Variants in PCDHGB6 observed in about 807,000 individuals in gnomAD.
The protein encoded by PCDHGB6 is protocadherin gamma-B6.
A neutral mutation model predicts 59.1 loss-of-function variants in PCDHGB6; 51 were observed. The ratio of observed to expected loss-of-function variants is 0.86; its 90% CI spans 0.69 to 1.09. The LOEUF (loss-of-function observed/expected upper bound fraction) is 1.09. Among genes scored for constraint, PCDHGB6 ranks in the 50% least tolerant of loss-of-function variants. PCDHGB6 has a pLI of 0.00. For missense variants in PCDHGB6, 1,148 were observed against 1,205.1 expected (o/e 0.95, Z 0.70); for synonymous variants, 466 against 495.1 (o/e 0.94, Z 0.78).
At chr5:141,435,103 G>A (rs1468698388) in intron 1 of PCDHGB6, among the ~76,000 whole-genome samples, 2 of 151,914 alleles carry the variant, frequency 1.3e-5, no homozygotes, top group African/African-American at 2.4e-5. Flanking sequence ...TTTATCTAGG[G>A]GGGAGAAATC....
chr5:141,500,036 T>C (rs1001193977), intron 2 of PCDHGB6, among the ~76,000 whole-genome samples: 8 of 152,176 alleles, frequency 5.3e-5, no homozygotes, highest in African/African-American at 1.9e-4. Flanking sequence ...TGAGTGTCTC[T>C]TAAGTATCTT....
Position 141,490,027 on chromosome 5 carries a change from CG to C in PCDHGB6, c.2419-4779del. The C allele has an allele frequency of 6.2e-7, 1 of 1,614,214 alleles. No individual in the cohort carries two copies. Among genetic ancestry groups the C allele is most frequent in the Admixed American group, 1.7e-5 (1 of 60,032 alleles). On this transcript the variant is annotated intron_variant, in intron 1 of 3. Transcript: ENST00000520790. The surrounding 1 kb of genome is among the most constrained non-coding windows in gnomAD (Gnocchi z 5.4). Reference sequence around the variant, plus strand: ...TGCACCCATTGGTACTCTGCTGCTCCGCCTCAATGCCACTGATCCAGACGAG... The same window carrying C: ...TGCACCCATTGGTACTCTGCTGCTCCCCTCAATGCCACTGATCCAGACGAG...
In PCDHGB6 at chr5:141,408,566, G is replaced by A. The variant is rs779048929; in HGVS notation, c.364G>A (p.Val122Met). 1.2e-6 allele frequency: 2 copies of A among 1,613,912 alleles called. No homozygotes were observed. Among genetic ancestry groups the A allele is most frequent in the East Asian group, 4.5e-5 (2 of 44,898 alleles). Residue 122 changes from valine to methionine, a missense_variant, in exon 1 of 4, where the codon GTG (valine) becomes ATG (methionine). Around this residue, in one of 5 missense-constraint regions of PCDHGB6, gnomAD observed 307 missense variants for 323.8 expected, o/e 0.95. Coordinates refer to ENST00000520790, the MANE Select transcript of PCDHGB6 (RefSeq NM_018926.3). Reference sequence around the variant, plus strand: ...TTTAAATATTTTTCATGTCATTGTGGTGATTGAGGATGTTAATGACCACGC... The same window carrying A: ...TTTAAATATTTTTCATGTCATTGTGATGATTGAGGATGTTAATGACCACGC... ...NPLNIFHVIVVIEDVNDHAPQ... is the reference protein window; with the variant it reads ...NPLNIFHVIVMIEDVNDHAPQ...
At chr5:141,422,044 G>A (rs780284162) in intron 1 of PCDHGB6, 1 of 1,611,530 alleles carries the variant, frequency 6.2e-7, no homozygotes, top group Non-Finnish European at 8.5e-7. Flanking sequence ...TCCAGACGAG[G>A]GAATCAACGG....
chr5:141,481,842 T>C (rs1402237517), intron 1 of PCDHGB6, among the ~76,000 whole-genome samples: 1 of 144,038 alleles, frequency 6.9e-6, no homozygotes, highest in Non-Finnish European at 1.5e-5. Flanking sequence ...AATCGCTTGA[T>C]GGTGGAGGTT....
In PCDHGB6 at chr5:141,409,159, G is replaced by C; in HGVS notation, c.957G>C (p.Val319=). Residue 319 remains valine, a synonymous_variant, in exon 1 of 4, where the codon GTG becomes GTC. Coordinates refer to ENST00000520790, the MANE Select transcript of PCDHGB6 (RefSeq NM_018926.3). The stretch of plus-strand genomic sequence containing the variant: ...ATGTAGAAAGGTACACCATGGAAGT[G>C]GAAGCGAAGGACGGAGGTGGTCTCT... ...FEDVERYTME[V]EAKDGGGLST... The C allele has an allele frequency of 6.2e-7, 1 of 1,614,014 alleles. No individual in the cohort carries two copies. The highest frequency in any genetic ancestry group is 2.2e-5 in the East Asian group (1 of 44,876).
chr5:141,478,509 G>C, intron 1 of PCDHGB6: 1 of 1,611,878 alleles, frequency 6.2e-7, no homozygotes, highest in Non-Finnish European at 8.5e-7. Context: ...GTGTTCTATA[G>C]GCAGGTGTTG....
At position 141,477,177 on chromosome 5, in the gene PCDHGB6, T is replaced by C; in HGVS notation, c.2419-17630T>C. The C allele has an allele frequency of 6.2e-7, 1 of 1,614,160 alleles. No individual in the cohort carries two copies. On this transcript the variant is annotated intron_variant, in intron 1 of 3. Coordinates refer to ENST00000520790, the MANE Select transcript of PCDHGB6 (RefSeq NM_018926.3). This position sits in a 1 kb window ranked among gnomAD's most constrained non-coding sequence, Gnocchi z 4.9. Reference sequence around the variant, plus strand: ...AATGACAACGCCCCGGAGATCACAGTCACCTCCGTGTACAGCCCAGTACCC... The same window carrying C: ...AATGACAACGCCCCGGAGATCACAGCCACCTCCGTGTACAGCCCAGTACCC...
In PCDHGB6 at chr5:141,432,075, C is replaced by G. The variant is rs2097446801; in HGVS notation, c.2418+21455C>G. 2 of 1,614,086 alleles carry G rather than the reference C, an allele frequency of 1.2e-6. No individual in the cohort carries two copies. Among genetic ancestry groups the G allele is most frequent in the Non-Finnish European group, 1.7e-6 (2 of 1,180,054 alleles). ...CCCCTATCCACGGAAACTCATATCT[C>G]GCTGAACGTGGCAGACACCAACGAC... On this transcript the variant is annotated intron_variant, in intron 1 of 3. Transcript: ENST00000520790. This position sits in a 1 kb window ranked among gnomAD's most constrained non-coding sequence, Gnocchi z 6.0.
intron 1 of PCDHGB6, among the ~76,000 whole-genome samples, chr5:141,449,007 T>A (rs937327801): frequency 3.3e-5 from 5 of 152,116 alleles, no homozygotes; most frequent in African/African-American, 1.2e-4. Context: ...CTGTTTTTTT[T>A]AACAGTTGCT....
chr5:141,429,583 T>A (rs2097226045), intron 1 of PCDHGB6, among the ~76,000 whole-genome samples: 2 of 152,218 alleles, frequency 1.3e-5, no homozygotes, highest in South Asian at 4.1e-4. Flanking sequence ...TTACTTTTGA[T>A]TCTTGTAATT....
rs143779180 is a variant in PCDHGB6, at chr5:141,485,438, C to T, written c.2419-9369C>T. Reference sequence around the variant, plus strand: ...CAGCGGAGCCCTGCTCATCAAGAACCCAATCGACCGAGAGGCACTGTGTGG... The same window carrying T: ...CAGCGGAGCCCTGCTCATCAAGAACTCAATCGACCGAGAGGCACTGTGTGG... On this transcript the variant is annotated intron_variant, in intron 1 of 3. Transcript: ENST00000520790. This position sits in a 1 kb window ranked among gnomAD's most constrained non-coding sequence, Gnocchi z 5.7. 2.9e-5 allele frequency: 47 copies of T among 1,614,052 alleles called. No individual in the cohort carries two copies. The highest frequency in any genetic ancestry group is 4.0e-5 in the African/African-American group (3 of 74,924).
chr5:141,430,258 A>T (rs542653323), intron 1 of PCDHGB6, among the ~76,000 whole-genome samples: 1 of 147,968 alleles, frequency 6.8e-6, no homozygotes, highest in Non-Finnish European at 1.5e-5. Flanking sequence ...AGACATCTCC[A>T]TAATAGGTGT....
At chr5:141,430,261 A>T (rs1236197353) in intron 1 of PCDHGB6, among the ~76,000 whole-genome samples, 1 of 152,104 alleles carries the variant, frequency 6.6e-6, no homozygotes, top group African/African-American at 2.4e-5. Context: ...CATCTCCATA[A>T]TAGGTGTGTT....
Position 141,491,458 on chromosome 5 carries a change from G to C in PCDHGB6, c.2419-3349G>C. 1 of 1,614,092 alleles carries C rather than the reference G, an allele frequency of 6.2e-7. No individual in the cohort carries two copies. The highest frequency in any genetic ancestry group is 8.5e-7 in the Non-Finnish European group (1 of 1,180,022). On this transcript the variant is annotated intron_variant, in intron 1 of 3. Coordinates refer to ENST00000520790, the MANE Select transcript of PCDHGB6 (RefSeq NM_018926.3). The surrounding 1 kb of genome is among the most constrained non-coding windows in gnomAD (Gnocchi z 6.9). Reference sequence around the variant, plus strand: ...CAGGCGCCAGGACTCACCCTCCCCGGACTTCTATAAGCAGTCCAGCCCCAA... The same window carrying C: ...CAGGCGCCAGGACTCACCCTCCCCGCACTTCTATAAGCAGTCCAGCCCCAA...
At position 141,432,871 on chromosome 5, in the gene PCDHGB6, C is replaced by T. The variant is rs1190891661; in HGVS notation, c.2418+22251C>T. On this transcript the variant is annotated intron_variant, in intron 1 of 3. Transcript: ENST00000520790. This position sits in a 1 kb window ranked among gnomAD's most constrained non-coding sequence, Gnocchi z 6.0. ...CGGTGGCCGCGGTCTCCTGCGTCTT[C>T]CTGGCCTTCGTCATCTTGCTGCTGG... 1 of 1,614,216 alleles carries T rather than the reference C, an allele frequency of 6.2e-7. No homozygotes were observed. Among genetic ancestry groups the T allele is most frequent in the Non-Finnish European group, 8.5e-7 (1 of 1,180,018 alleles).
At chr5:141,423,990 T>A (rs2096793990) in intron 1 of PCDHGB6, 2 of 1,090,000 alleles carry the variant, frequency 1.8e-6, no homozygotes, top group East Asian at 1.1e-4. Flanking sequence ...GCTCTCAATT[T>A]ATTATATATA....
At chr5:141,421,846 G>A (rs1187020807) in intron 1 of PCDHGB6, 2 of 1,613,642 alleles carry the variant, frequency 1.2e-6, no homozygotes, top group East Asian at 4.5e-5. Context: ...AGAGAAAGAG[G>A]CTGCTCACCT....
At position 141,431,738 on chromosome 5, in the gene PCDHGB6, TA is replaced by T; in HGVS notation, c.2418+21119del. ...AGTGCAAGCAATGGATAATGCAGGA[TA>T]TTCTGCGCGAGCCAAAGTCCTGATC... On this transcript the variant is annotated intron_variant, in intron 1 of 3. Coordinates refer to ENST00000520790, the MANE Select transcript of PCDHGB6 (RefSeq NM_018926.3). The surrounding 1 kb of genome is among the most constrained non-coding windows in gnomAD (Gnocchi z 4.8). The T allele has an allele frequency of 6.2e-7, 1 of 1,614,234 alleles. No individual in the cohort carries two copies. Among genetic ancestry groups the T allele is most frequent in the South Asian group, 1.1e-5 (1 of 91,092 alleles).
Sources: allele counts gnomAD v4.1 joint callset (sites outside exome capture counted in the v4.1 genomes callset), GRCh38; gene constraint gnomAD v4.1.1; regional missense constraint gnomAD v4.1.1; non-coding constraint Gnocchi (gnomAD v3.1); transcripts MANE v1.5; gene names NCBI Gene and HGNC (gene_info 2026-07-23, HGNC 2026-07-21).